Variants in KLHL29 observed in about 807,000 individuals in gnomAD.
KLHL29 encodes the protein kelch-like protein 29.
In KLHL29, 21 loss-of-function variants were observed where a neutral mutation model predicts 80.4. The observed-to-expected ratio is 0.26, with a 90% CI of 0.19 to 0.38. KLHL29 has a LOEUF of 0.38. Ranked by LOEUF, KLHL29 falls within the 10% of genes least tolerant of loss-of-function variation. The pLI is 1.00. For missense variants in KLHL29, 867 were observed against 1,223.9 expected (o/e 0.71, Z 4.35); for synonymous variants, 511 against 526.8 (o/e 0.97, Z 0.41).
chr2:23,464,246 T>C (rs1356347345), intron 1 of KLHL29, among the ~76,000 whole-genome samples: 1 of 152,200 alleles, frequency 6.6e-6, no homozygotes, highest in African/African-American at 2.4e-5. Flanking sequence ...TGTTTGCACT[T>C]GTTGGAGGCT....
intron 3 of KLHL29, among the ~76,000 whole-genome samples, chr2:23,581,097 T>C (rs1667968695): frequency 6.6e-6 from 1 of 152,218 alleles, no homozygotes; most frequent in Non-Finnish European, 1.5e-5. Context: ...CTTATTTTTT[T>C]TTTAAAGAAA....
intron 2 of KLHL29, among the ~76,000 whole-genome samples, chr2:23,555,127 C>A (rs566068752): frequency 4.1e-4 from 60 of 146,830 alleles, no homozygotes; most frequent in African/African-American, 1.3e-3. Context: ...ACCTCCCCCC[C>A]CCCCTCAACT....
intron 2 of KLHL29, among the ~76,000 whole-genome samples, chr2:23,530,208 G>A (rs1666450820): frequency 6.6e-6 from 1 of 152,242 alleles, no homozygotes; most frequent in Non-Finnish European, 1.5e-5. Flanking sequence ...TCTCCAGGAG[G>A]CTGTTCTGGA....
At chr2:23,645,990 TACA>T (rs1669917765) in intron 5 of KLHL29, among the ~76,000 whole-genome samples, 1 of 152,214 alleles carries the variant, frequency 6.6e-6, no homozygotes, top group African/African-American at 2.4e-5. Flanking sequence ...TTAAGAAACT[TACA>T]AGACAAATCT....
chr2:23,683,862 T>G (rs1465843276), intron 5 of KLHL29, among the ~76,000 whole-genome samples: 2 of 152,100 alleles, frequency 1.3e-5, no homozygotes, highest in African/African-American at 4.8e-5. Context: ...CCCCCTCCTT[T>G]CTCGGGGTCT....
intron 11 of KLHL29, among the ~76,000 whole-genome samples, chr2:23,698,194 G>A (rs925457196): frequency 2.0e-5 from 3 of 152,314 alleles, no homozygotes; most frequent in East Asian, 3.9e-4. Flanking sequence ...CAGTGTGAGC[G>A]AGACCACCCC....
At chr2:23,567,497 A>G (rs1667616293) in intron 3 of KLHL29, among the ~76,000 whole-genome samples, 2 of 152,230 alleles carry the variant, frequency 1.3e-5, no homozygotes, top group Admixed American at 6.5e-5. Flanking sequence ...TTTGACATTT[A>G]TGAGCATTTA....
intron 1 of KLHL29, among the ~76,000 whole-genome samples, chr2:23,389,646 GA>G (rs1302828823): frequency 6.6e-6 from 1 of 151,156 alleles, no homozygotes; most frequent in Non-Finnish European, 1.5e-5. Context: ...AGTGAACAGT[GA>G]TCACGCCACT....
chr2:23,540,489 T>G (rs1370751292), intron 2 of KLHL29, among the ~76,000 whole-genome samples: 1 of 152,176 alleles, frequency 6.6e-6, no homozygotes. Flanking sequence ...TTTCCTCTCC[T>G]TCTCTCCAAA....
At chr2:23,427,886 T>C (rs1411027931) in intron 1 of KLHL29, among the ~76,000 whole-genome samples, 2 of 152,326 alleles carry the variant, frequency 1.3e-5, no homozygotes, top group Middle Eastern at 3.4e-3. Context: ...CCATCAGCTG[T>C]CTGTTTGCCC....
At chr2:23,543,126 C>T (rs1666882074) in intron 2 of KLHL29, among the ~76,000 whole-genome samples, 1 of 152,158 alleles carries the variant, frequency 6.6e-6, no homozygotes, top group Non-Finnish European at 1.5e-5. Context: ...CCGTCTGCGC[C>T]TCATCCTCCT....
chr2:23,574,521 T>C (rs1164561204), intron 3 of KLHL29, among the ~76,000 whole-genome samples: 1 of 152,046 alleles, frequency 6.6e-6, no homozygotes, highest in East Asian at 1.9e-4. Flanking sequence ...AAAGGTAGGT[T>C]AGAGGTTACC....
At chr2:23,561,394 G>A (rs1667443181) in intron 2 of KLHL29, among the ~76,000 whole-genome samples, 1 of 152,198 alleles carries the variant, frequency 6.6e-6, no homozygotes, top group Non-Finnish European at 1.5e-5. Context: ...CAGAGGCTCA[G>A]GAGAGCTGTG....
intron 2 of KLHL29, among the ~76,000 whole-genome samples, chr2:23,543,835 A>T (rs11686973): frequency 6.6e-6 from 1 of 151,930 alleles, no homozygotes; most frequent in East Asian, 1.9e-4. Flanking sequence ...TCCCTCCACC[A>T]CTCCAGATGC....
chr2:23,550,512 C>T (rs1395972628), intron 2 of KLHL29, among the ~76,000 whole-genome samples: 1 of 152,208 alleles, frequency 6.6e-6, no homozygotes, highest in East Asian at 1.9e-4. Flanking sequence ...ATGTCCCCGG[C>T]CCTCGGAGCA....
chr2:23,511,950 A>G (rs1665785413), intron 2 of KLHL29, among the ~76,000 whole-genome samples: 1 of 152,140 alleles, frequency 6.6e-6, no homozygotes, highest in Admixed American at 6.5e-5. Flanking sequence ...TCCGATACAC[A>G]TATTGATCCC....
At chr2:23,500,850 T>G (rs1344753) in intron 2 of KLHL29, among the ~76,000 whole-genome samples, 5,735 of 152,302 alleles carry the variant, frequency 0.038, 174 homozygotes, top group Non-Finnish European at 0.063. Context: ...GTAGCTTTTT[T>G]GAGTTCAGTT....
rs1289835679 is a variant in KLHL29, at chr2:23,693,406, A to G, written c.1420A>G (p.Ser474Gly). The G allele has an allele frequency of 6.4e-7, 1 of 1,551,736 alleles. No homozygotes were observed. Among genetic ancestry groups the G allele is most frequent in the Non-Finnish European group, 8.7e-7 (1 of 1,146,980 alleles). The stretch of plus-strand genomic sequence containing the variant: ...GGTGGCCGCCCAGGAGGAGATCCTC[A>G]GCATCTCCAAGGACGACTTCATCGC... ...PEVAAQEEIL[S>G]ISKDDFIAYV... The change falls in exon 8 of 14, where the codon AGC becomes GGC. Residue 474 changes from serine (S) to glycine (G), a missense_variant. By Grantham distance (56) the Ser-to-Gly change is moderately conservative. This residue lies in a region of KLHL29 where 443 missense variants were observed against 767.0 expected (regional missense o/e 0.58). Transcript: ENST00000486442.
At position 23,549,395 on chromosome 2, in the gene KLHL29, G is replaced by A. The variant is rs375530607; in HGVS notation, c.-45-12757G>A. ...TGAACTTGTCAACAGAGGCTGCCTC[G>A]TTTGCATGCTTGGGTGGTGATAAAA... On this transcript the variant is annotated intron_variant, in intron 2 of 13. Coordinates refer to ENST00000486442, the MANE Select transcript of KLHL29 (RefSeq NM_052920.2). Among the ~76,000 whole-genome samples, 78 of 152,206 alleles carry A rather than the reference G, an allele frequency of 5.1e-4. No homozygotes were observed. The East Asian group carries it at 0.013, about 24-fold the overall frequency.
Sources: gnomAD v4.1 joint callset for allele counts (sites outside exome capture counted in the v4.1 genomes callset) on GRCh38, gnomAD v4.1.1 for gene constraint, gnomAD v4.1.1 regional missense constraint, MANE v1.5 for transcripts, NCBI Gene and HGNC (gene_info 2026-07-23, HGNC 2026-07-21) for gene names.